GUCA1C: variants seen among roughly 807,000 people sequenced by gnomAD.
GUCA1C encodes the protein guanylate cyclase activator 1C, also known as guanylyl cyclase-activating protein 3.
GUCA1C carries 15 observed loss-of-function variants against 16.2 expected under a neutral mutation model. That is an observed-to-expected ratio of 0.93 (90% CI 0.62 to 1.43). The LOEUF is 1.43. GUCA1C is among the 40% of genes most tolerant of loss of function. The probability of loss-of-function intolerance (pLI) is 0.00; values close to 1 mark genes in which losing one functional copy is unlikely to be tolerated. For synonymous variants in GUCA1C, 78 were observed against 85.4 expected (o/e 0.91, Z 0.48); for missense variants, 275 against 244.8 (o/e 1.12, Z -0.82).
intron 1 of GUCA1C, among the ~76,000 whole-genome samples, chr3:108,937,009 G>GT (rs1476629324): frequency 3.3e-5 from 5 of 152,084 alleles, no homozygotes; most frequent in Non-Finnish European, 7.4e-5. Context: ...CCACCCGCCC[G>GT]TAAGTTTAAC....
chr3:108,925,241 T>A, intron 1 of GUCA1C, among the ~76,000 whole-genome samples: 1 of 152,222 alleles, frequency 6.6e-6, no homozygotes, highest in South Asian at 2.1e-4. Context: ...CTTTCAGACT[T>A]TTTGATGTAG....
intron 3 of GUCA1C, among the ~76,000 whole-genome samples, chr3:108,912,711 C>CAAAAAAA (rs10664351): frequency 7.2e-4 from 103 of 143,534 alleles, no homozygotes; most frequent in Middle Eastern, 3.5e-3. Flanking sequence ...TTGTTAATTT[C>CAAAAAAA]AAAAAAAAAA....
chr3:108,916,322 A>G, intron 2 of GUCA1C, 108 bp from the exon 3 acceptor site: 1 of 948,848 alleles, frequency 1.1e-6, no homozygotes, highest in Non-Finnish European at 1.6e-6. Context: ...GTCGGTTGCT[A>G]TCCAACCTGT....
At chr3:108,933,028 A>G (rs1576551706) in intron 1 of GUCA1C, among the ~76,000 whole-genome samples, 1 of 151,952 alleles carries the variant, frequency 6.6e-6, no homozygotes, top group East Asian at 1.9e-4. Flanking sequence ...GTTGCAAGAA[A>G]TTTTAAGGAT....
intron 1 of GUCA1C, among the ~76,000 whole-genome samples, chr3:108,939,527 A>G (rs1189095168): frequency 6.6e-6 from 1 of 151,156 alleles, no homozygotes; most frequent in Non-Finnish European, 1.5e-5. Flanking sequence ...GGGTTTCACC[A>G]TGTTGGCCAG....
At chr3:108,925,796 G>A (rs1006806485) in intron 1 of GUCA1C, among the ~76,000 whole-genome samples, 2 of 151,960 alleles carry the variant, frequency 1.3e-5, no homozygotes, top group African/African-American at 4.8e-5. Flanking sequence ...TATAAATTTG[G>A]GAGCTCCAGG....
chr3:108,936,138 A>C (rs1036852098), intron 1 of GUCA1C, among the ~76,000 whole-genome samples: 2 of 152,038 alleles, frequency 1.3e-5, no homozygotes, highest in South Asian at 2.1e-4. Context: ...TGTGGTGTGC[A>C]CCTGTAGTCC....
intron 3 of GUCA1C, among the ~76,000 whole-genome samples, chr3:108,909,465 C>A (rs1003553142): frequency 3.3e-5 from 5 of 152,182 alleles, no homozygotes; most frequent in African/African-American, 1.2e-4. Context: ...CAAACAATCA[C>A]AGAATAACCG....
chr3:108,933,246 T>C (rs13084892), intron 1 of GUCA1C, among the ~76,000 whole-genome samples: 3,852 of 152,246 alleles, frequency 0.025, 74 homozygotes, highest in Middle Eastern at 0.12. Context: ...GGAGAAGAAA[T>C]TAAGAGCTCG....
chr3:108,920,461 T>C lies in GUCA1C; in HGVS notation c.329A>G (p.Lys110Arg). ...CATGAACATGTCCAGTAGTTCATTT[T>C]TGTCAATAGAACCATTTCCATCAGC... ...YDADGNGSID[K>R]NELLDMFMAV... is the part of the protein sequence containing the mutation. Residue 110 changes from lysine (K) to arginine (R), a missense_variant, in exon 2 of 4, where the codon AAA (lysine) becomes AGA (arginine). Coordinates refer to ENST00000261047, the MANE Select transcript of GUCA1C (RefSeq NM_005459.4). 1.2e-6 allele frequency: 2 copies of C among 1,609,314 alleles called. No individual in the cohort carries two copies. The highest frequency in any genetic ancestry group is 1.7e-6 in the Non-Finnish European group (2 of 1,175,922).
intron 1 of GUCA1C, 100 bp downstream of exon 1, chr3:108,953,459 T>C: frequency 2.7e-6 from 2 of 753,948 alleles, no homozygotes. Flanking sequence ...CAGTGGGATG[T>C]ACACATTTTA....
At chr3:108,928,190 G>C (rs1314792892) in intron 1 of GUCA1C, among the ~76,000 whole-genome samples, 1 of 152,204 alleles carries the variant, frequency 6.6e-6, no homozygotes, top group Non-Finnish European at 1.5e-5. Context: ...ACCTGTGGTA[G>C]TTCTTGGAGC....
intron 1 of GUCA1C, among the ~76,000 whole-genome samples, chr3:108,945,143 T>A (rs554313920): frequency 5.3e-5 from 8 of 152,356 alleles, no homozygotes; most frequent in African/African-American, 1.7e-4. Flanking sequence ...GTGTTTTGTA[T>A]CAATCTCCAA....
chr3:108,932,289 G>A (rs1209600453), intron 1 of GUCA1C, among the ~76,000 whole-genome samples: 2 of 125,044 alleles, frequency 1.6e-5, no homozygotes, highest in Non-Finnish European at 3.3e-5. Flanking sequence ...TCATATGGGG[G>A]ATAATGAAAC....
At chr3:108,931,280 T>C (rs1396305888) in intron 1 of GUCA1C, among the ~76,000 whole-genome samples, 1 of 152,156 alleles carries the variant, frequency 6.6e-6, no homozygotes, top group Non-Finnish European at 1.5e-5. Flanking sequence ...AATGTTGCCC[T>C]TAGAACATTT....
Position 108,908,221 on chromosome 3 carries a change from T to A in GUCA1C, c.443-12A>T. On this transcript the variant is annotated splice_polypyrimidine_tract_variant and intron_variant, in intron 3 of 3. Coordinates refer to ENST00000261047, the MANE Select transcript of GUCA1C (RefSeq NM_005459.4). ...TAAAGTCAATTCCCCTGGAAAATAA[T>A]AAACAGTTAATAAGAGGCTTTGTCT... is the stretch of plus-strand genomic sequence containing the variant. 1 of 1,583,248 alleles carries A rather than the reference T, an allele frequency of 6.3e-7. No individual in the cohort carries two copies. Among genetic ancestry groups the A allele is most frequent in the Non-Finnish European group, 8.7e-7 (1 of 1,152,636 alleles).
At chr3:108,933,113 C>T (rs147145582) in intron 1 of GUCA1C, among the ~76,000 whole-genome samples, 178 of 152,274 alleles carry the variant, frequency 1.2e-3, no homozygotes, top group Non-Finnish European at 1.4e-3. Flanking sequence ...TAATCTCTCA[C>T]TGCCAGCCCT....
intron 3 of GUCA1C, among the ~76,000 whole-genome samples, chr3:108,911,429 C>T (rs1946451844): frequency 2.0e-5 from 3 of 152,076 alleles, no homozygotes; most frequent in Admixed American, 2.0e-4. Context: ...ATTATAACTT[C>T]ATAAAATATT....
chr3:108,920,030 A>G (rs957967537), intron 2 of GUCA1C, among the ~76,000 whole-genome samples: 4 of 152,174 alleles, frequency 2.6e-5, no homozygotes, highest in African/African-American at 7.2e-5. Context: ...ATACTTCAGT[A>G]TAGCTCCCAG....
Sources: gnomAD v4.1 joint callset for allele counts (sites outside exome capture counted in the v4.1 genomes callset) on GRCh38, gnomAD v4.1.1 for gene constraint, MANE v1.5 for transcripts, NCBI Gene and HGNC (gene_info 2026-07-23, HGNC 2026-07-21) for gene names.